TIGAR: variants seen among roughly 807,000 people sequenced by gnomAD.
The protein encoded by TIGAR is fructose-2,6-bisphosphatase TIGAR.
TIGAR carries 7 observed loss-of-function variants against 17.9 expected under a neutral mutation model. The ratio of observed to expected loss-of-function variants is 0.39; its 90% CI spans 0.22 to 0.73. The LOEUF (loss-of-function observed/expected upper bound fraction) is 0.73. TIGAR is among the 30% of genes least tolerant of loss of function. The pLI, the probability that TIGAR is intolerant of heterozygous loss-of-function variation, is 0.42. For synonymous variants in TIGAR, 94 were observed against 108.6 expected, an observed-to-expected ratio of 0.87 and a Z score of 0.84; for missense variants, 258 against 327.4, an observed-to-expected ratio of 0.79 and a Z score of 1.64.
At chr12:4,335,262 C>T (rs1327512025) in intron 2 of TIGAR, among the ~76,000 whole-genome samples, 1 of 152,106 alleles carries the variant, frequency 6.6e-6, no homozygotes, top group African/African-American at 2.4e-5. Flanking sequence ...ACTTTGAACT[C>T]CTGACCTCGA....
At chr12:4,337,380 A>C (rs1454916762) in intron 3 of TIGAR, among the ~76,000 whole-genome samples, 1 of 152,096 alleles carries the variant, frequency 6.6e-6, no homozygotes, top group East Asian at 1.9e-4. Context: ...TGCTGGTCTC[A>C]AACCCCTAAC....
intron 1 of TIGAR, among the ~76,000 whole-genome samples, chr12:4,322,864 C>A (rs1864495425): frequency 6.6e-6 from 1 of 152,058 alleles, no homozygotes; most frequent in Non-Finnish European, 1.5e-5. Flanking sequence ...TACTAAAGGT[C>A]ACACAGCTAA....
chr12:4,324,523 A>ACGC (rs1323688692), intron 1 of TIGAR: 8 of 1,609,604 alleles, frequency 5.0e-6, no homozygotes, highest in Non-Finnish European at 6.8e-6. Flanking sequence ...GCCGTTGTAG[A>ACGC]CGCCCACCAT....
intron 3 of TIGAR, among the ~76,000 whole-genome samples, chr12:4,343,493 C>T (rs1864747263): frequency 6.6e-6 from 1 of 152,178 alleles, no homozygotes; most frequent in African/African-American, 2.4e-5. Flanking sequence ...GTAAAGCATT[C>T]CTCAGCAAAT....
chr12:4,328,062 A>G (rs946069530), intron 1 of TIGAR, among the ~76,000 whole-genome samples: 8 of 152,138 alleles, frequency 5.3e-5, no homozygotes, highest in African/African-American at 9.7e-5. Flanking sequence ...CATGGTAACT[A>G]TTTTCTAGAT....
intron 1 of TIGAR, chr12:4,324,682 G>A (rs1211939722): frequency 3.9e-6 from 4 of 1,015,424 alleles, no homozygotes; most frequent in African/African-American, 3.2e-5. Flanking sequence ...GTTCACTTGC[G>A]GCCGCTGGCA....
Position 4,321,824 on chromosome 12 carries a change from C to A in TIGAR, c.32+521C>A, listed in dbSNP as rs1318537504. ...TTTCTTTTCCCCAGAGGTTACAGTT[C>A]TGGGAGAGAAAAGAGGATCACAGCT... On this transcript the variant is annotated intron_variant, in intron 1 of 5. Transcript: ENST00000179259. The surrounding 1 kb of genome is among the most constrained non-coding windows in gnomAD (Gnocchi z 5.2). Among the ~76,000 whole-genome samples, 1 of 152,086 alleles carries A rather than the reference C, an allele frequency of 6.6e-6. No homozygotes were observed. The highest frequency in any genetic ancestry group is 1.5e-5 in the Non-Finnish European group (1 of 68,012).
chr12:4,325,797 A>T (rs1479175512), intron 1 of TIGAR, among the ~76,000 whole-genome samples: 1 of 152,052 alleles, frequency 6.6e-6, no homozygotes, highest in Non-Finnish European at 1.5e-5. Context: ...TAGCTCTTGA[A>T]ATCTTCTATA....
intron 2 of TIGAR, 30 bp from the exon 3 acceptor site, chr12:4,337,009 G>A (rs200518489): frequency 6.4e-7 from 1 of 1,565,584 alleles, no homozygotes; most frequent in South Asian, 1.2e-5. Context: ...AGTTTTGAAT[G>A]TTATTGTTCC....
chr12:4,324,713 G>T, intron 1 of TIGAR: 1 of 788,410 alleles, frequency 1.3e-6, no homozygotes, highest in Non-Finnish European at 2.0e-6. Context: ...AGCTGCGTCA[G>T]CTGCTCGCAG....
At chr12:4,344,042 G>T (rs1383529415) in intron 3 of TIGAR, among the ~76,000 whole-genome samples, 1 of 152,068 alleles carries the variant, frequency 6.6e-6, no homozygotes, top group Non-Finnish European at 1.5e-5. Flanking sequence ...TGATAAAGGG[G>T]ATATCACCAC....
In TIGAR at chr12:4,352,821, C is replaced by T. The variant is rs1864852088; in HGVS notation, c.*130C>T. On this transcript the variant is annotated 3_prime_UTR_variant, in exon 6 of 6. Transcript: ENST00000179259. ...AGCCAATTTTTAGCTCCAGTGGAAC[C>T]ATAGCCACATAAAACTTTAATGGAC... The T allele has an allele frequency of 1.3e-6, 1 of 776,198 alleles. No homozygotes were observed. The highest frequency in any genetic ancestry group is 1.8e-5 in the African/African-American group (1 of 57,116). 48.1% of individuals were successfully genotyped at this position (776,198 alleles called of 1,614,324 possible).
chr12:4,356,605 G>A lies in TIGAR; in HGVS notation c.*3914G>A, dbSNP rs55896784. On this transcript the variant is annotated 3_prime_UTR_variant, in exon 6 of 6. Transcript: ENST00000179259. ...ATATCCACATCACCTGAAACCCATA[G>A]TTTACATTAGGGTTCATTCTTGGTG... Among the ~76,000 whole-genome samples the A allele has an allele frequency of 0.089, 13,473 of 152,108 alleles. 749 individuals are homozygous for A. The highest frequency in any genetic ancestry group is 0.12 in the Non-Finnish European group (8,452 of 67,988).
Position 4,354,480 on chromosome 12 carries a change from A to G in TIGAR, c.*1789A>G, listed in dbSNP as rs1207237017. Reference sequence around the variant, plus strand: ...AGTCTGTGTATATGTTCACCTGTTCATCTGCTTGCAATGTTCATCTGTTCC... The same window carrying G: ...AGTCTGTGTATATGTTCACCTGTTCGTCTGCTTGCAATGTTCATCTGTTCC... On this transcript the variant is annotated 3_prime_UTR_variant, in exon 6 of 6. Transcript: ENST00000179259. 2 of 151,936 alleles carry G rather than the reference A, an allele frequency of 1.3e-5. No individual in the cohort carries two copies. The highest frequency in any genetic ancestry group is 2.9e-5 in the Non-Finnish European group (2 of 68,006). 9.4% of individuals were successfully genotyped at this position (151,936 alleles called of 1,614,324 possible).
intron 2 of TIGAR, among the ~76,000 whole-genome samples, chr12:4,333,978 GT>G (rs911225812): frequency 7.5e-5 from 11 of 147,350 alleles, no homozygotes; most frequent in South Asian, 4.3e-4. Context: ...TTTTTTCTTT[GT>G]TTTTTTTTTC....
intron 3 of TIGAR, among the ~76,000 whole-genome samples, chr12:4,349,448 C>T (rs1463943025): frequency 6.6e-6 from 1 of 151,454 alleles, no homozygotes; most frequent in South Asian, 2.1e-4. Flanking sequence ...GATGGAGTCT[C>T]ATTCTGTCAC....
Position 4,352,739 on chromosome 12 carries a change from T to A in TIGAR, c.*48T>A, listed in dbSNP as rs1487397090. 6.5e-7 allele frequency: 1 copy of A among 1,530,328 alleles called. No individual in the cohort carries two copies. Among genetic ancestry groups the A allele is most frequent in the Non-Finnish European group, 8.8e-7 (1 of 1,141,182 alleles). The allele number at this position is 1,530,328 out of a possible 1,614,324, so 94.8% of individuals were successfully genotyped here. A position where few individuals can be genotyped will look rare whatever the true frequency, so the allele number is the denominator to read the frequency against. On this transcript the variant is annotated 3_prime_UTR_variant, in exon 6 of 6. Coordinates refer to ENST00000179259, the MANE Select transcript of TIGAR (RefSeq NM_020375.3). Reference sequence around the variant, plus strand: ...AACCATTTTGAGCCTCTGAAGGGAGTGCCATTGGCTTTATTTACTTCTCTC... The same window carrying A: ...AACCATTTTGAGCCTCTGAAGGGAGAGCCATTGGCTTTATTTACTTCTCTC...
At chr12:4,350,960 A>G (rs935726305) in intron 4 of TIGAR, among the ~76,000 whole-genome samples, 5 of 152,160 alleles carry the variant, frequency 3.3e-5, no homozygotes, top group African/African-American at 4.8e-5. Context: ...GTTAATCTCT[A>G]GTCCTATAAT....
At position 4,352,738 on chromosome 12, in the gene TIGAR, G is replaced by A; in HGVS notation, c.*47G>A. 1.3e-6 allele frequency: 2 copies of A among 1,540,250 alleles called. No individual in the cohort carries two copies. Among genetic ancestry groups the A allele is most frequent in the Non-Finnish European group, 8.7e-7 (1 of 1,146,032 alleles). On this transcript the variant is annotated 3_prime_UTR_variant, in exon 6 of 6. Coordinates refer to ENST00000179259, the MANE Select transcript of TIGAR (RefSeq NM_020375.3). ...TAACCATTTTGAGCCTCTGAAGGGA[G>A]TGCCATTGGCTTTATTTACTTCTCT...
Sources: gnomAD v4.1 joint callset for allele counts (sites outside exome capture counted in the v4.1 genomes callset) on GRCh38, gnomAD v4.1.1 for gene constraint, Gnocchi (gnomAD v3.1) non-coding constraint, MANE v1.5 for transcripts, NCBI Gene and HGNC (gene_info 2026-07-23, HGNC 2026-07-21) for gene names.